Variants in CSMD1 observed in about 807,000 individuals in gnomAD.
The protein encoded by CSMD1 is CUB and sushi domain-containing protein 1.
A neutral mutation model predicts 417.5 loss-of-function variants in CSMD1; 213 were observed. That is an observed-to-expected ratio of 0.51 (90% CI 0.46 to 0.57). CSMD1 has a LOEUF of 0.57. Among genes scored for constraint, CSMD1 ranks in the 20% least tolerant of loss-of-function variants. The pLI, the probability that CSMD1 is intolerant of heterozygous loss-of-function variation, is 0.00. For missense variants in CSMD1, 6,923 were observed against 4,529.7 expected (o/e 1.53, Z -15.17); for synonymous variants, 2,862 against 1,736.8 (o/e 1.65, Z -16.11).
intron 2 of CSMD1, among the ~76,000 whole-genome samples, chr8:4,569,490 TC>T (rs1461735812): frequency 1.3e-5 from 2 of 152,210 alleles, no homozygotes; most frequent in Non-Finnish European, 2.9e-5. Context: ...TCTGTTCTGT[TC>T]CATTGGTCTC....
In CSMD1 at chr8:3,861,830, A is replaced by T. The variant is rs150994937; in HGVS notation, c.819-107788T>A. ...AGTGTGCCGATTACAGATGTGACCTATGAAGCCACTGGCTTTTAAATGTCT... is the reference window on the plus strand; with the variant it reads ...AGTGTGCCGATTACAGATGTGACCTTTGAAGCCACTGGCTTTTAAATGTCT... On this transcript the variant is annotated intron_variant, in intron 5 of 69. Coordinates refer to ENST00000635120, the MANE Select transcript of CSMD1 (RefSeq NM_033225.6). Among the ~76,000 whole-genome samples, 361 of 152,314 alleles carry T rather than the reference A, an allele frequency of 2.4e-3. 4 individuals carry two copies. Among genetic ancestry groups the T allele is most frequent in the Admixed American group, 0.015 (233 of 15,294 alleles).
chr8:3,444,447 G>C (rs1219619608), intron 12 of CSMD1, among the ~76,000 whole-genome samples: 1 of 152,114 alleles, frequency 6.6e-6, no homozygotes, highest in Non-Finnish European at 1.5e-5. Flanking sequence ...AACAATAAAA[G>C]AAATTACTGT....
intron 17 of CSMD1, among the ~76,000 whole-genome samples, chr8:3,390,631 T>C (rs955514177): frequency 1.3e-4 from 20 of 151,962 alleles, no homozygotes; most frequent in African/African-American, 4.6e-4. Context: ...CAATGAATTT[T>C]TGATACAAAT....
At chr8:4,240,640 T>C (rs1402073516) in intron 3 of CSMD1, among the ~76,000 whole-genome samples, 3 of 152,184 alleles carry the variant, frequency 2.0e-5, no homozygotes, top group African/African-American at 7.2e-5. Flanking sequence ...TCCCAGTGCC[T>C]TTCAACAAGT....
chr8:3,252,104 T>G (rs531885719), intron 26 of CSMD1, among the ~76,000 whole-genome samples: 1 of 152,356 alleles, frequency 6.6e-6, no homozygotes, highest in African/African-American at 2.4e-5. Flanking sequence ...CTATGTTGAA[T>G]AGTAGTGGTG....
At chr8:4,117,924 C>G (rs1401369486) in intron 3 of CSMD1, among the ~76,000 whole-genome samples, 2 of 144,510 alleles carry the variant, frequency 1.4e-5, no homozygotes, top group Non-Finnish European at 3.0e-5. Context: ...AAGAAATTTT[C>G]CTGGAAAAGT....
At chr8:2,962,385 A>T in intron 61 of CSMD1, 81 bp downstream of exon 61, 3 of 1,300,702 alleles carry the variant, frequency 2.3e-6, no homozygotes, top group Non-Finnish European at 3.2e-6. Flanking sequence ...CTATGTAATC[A>T]CAAATGACCC....
intron 26 of CSMD1, among the ~76,000 whole-genome samples, chr8:3,283,741 A>G (rs74894931): frequency 0.022 from 3,311 of 152,352 alleles, 51 homozygotes; most frequent in Non-Finnish European, 0.037. Context: ...CACAGGGAAG[A>G]AGCTGAGCAA....
intron 2 of CSMD1, among the ~76,000 whole-genome samples, chr8:4,579,566 G>C (rs1368125229): frequency 6.6e-6 from 1 of 152,040 alleles, no homozygotes; most frequent in Non-Finnish European, 1.5e-5. Flanking sequence ...GTCTCAGCAT[G>C]TTAGCCAGGC....
At chr8:3,215,742 A>G (rs767269258) in intron 29 of CSMD1, among the ~76,000 whole-genome samples, 1 of 152,212 alleles carries the variant, frequency 6.6e-6, no homozygotes, top group African/African-American at 2.4e-5. Flanking sequence ...GAAAAAGTGT[A>G]TAACCCTGCA....
intron 5 of CSMD1, among the ~76,000 whole-genome samples, chr8:3,819,901 T>C (rs540841006): frequency 2.0e-4 from 31 of 152,288 alleles, no homozygotes; most frequent in African/African-American, 7.2e-4. Context: ...AGTGCTATAA[T>C]AGAGGCAGAC....
intron 3 of CSMD1, among the ~76,000 whole-genome samples, chr8:4,231,377 G>A (rs566602888): frequency 6.6e-6 from 1 of 152,128 alleles, no homozygotes; most frequent in African/African-American, 2.4e-5. Context: ...TTCCTCCTCT[G>A]AGAGAATAGG....
At chr8:3,391,627 T>G (rs1811355690) in intron 17 of CSMD1, among the ~76,000 whole-genome samples, 1 of 152,150 alleles carries the variant, frequency 6.6e-6, no homozygotes, top group South Asian at 2.1e-4. Context: ...TAGGTTTGCT[T>G]TTACAAAAGC....
chr8:3,719,860 A>G (rs1431942904), intron 6 of CSMD1, among the ~76,000 whole-genome samples: 1 of 152,182 alleles, frequency 6.6e-6, no homozygotes, highest in Non-Finnish European at 1.5e-5. Flanking sequence ...AGTTGTAAGA[A>G]AGACTTAATC....
At chr8:3,427,818 A>G (rs1813951588) in intron 12 of CSMD1, among the ~76,000 whole-genome samples, 1 of 152,356 alleles carries the variant, frequency 6.6e-6, no homozygotes, top group East Asian at 1.9e-4. Context: ...TCTCTAGAGG[A>G]CCAATTGCTT....
chr8:2,988,753 T>C (rs1806139693), intron 54 of CSMD1, among the ~76,000 whole-genome samples: 1 of 152,230 alleles, frequency 6.6e-6, no homozygotes, highest in African/African-American at 2.4e-5. Context: ...TTGAGTATAA[T>C]GAATTTTCTT....
At chr8:4,233,312 T>A (rs1700042) in intron 3 of CSMD1, among the ~76,000 whole-genome samples, 1 of 152,184 alleles carries the variant, frequency 6.6e-6, no homozygotes, top group Non-Finnish European at 1.5e-5. Flanking sequence ...CAAATTTGAA[T>A]GTTAAAAACC....
chr8:3,809,424 C>G (rs536843159), intron 5 of CSMD1, among the ~76,000 whole-genome samples: 185 of 152,332 alleles, frequency 1.2e-3, no homozygotes, highest in Non-Finnish European at 2.1e-3. Flanking sequence ...GTTTCCTTCT[C>G]CATCAAAAGT....
At chr8:3,380,820 C>T (rs527337387) in intron 18 of CSMD1, among the ~76,000 whole-genome samples, 148 of 151,934 alleles carry the variant, frequency 9.7e-4, no homozygotes, top group African/African-American at 3.4e-3. Flanking sequence ...CAGCAAAACA[C>T]CATGGCGTGT....
Sources: allele counts gnomAD v4.1 joint callset (sites outside exome capture counted in the v4.1 genomes callset), GRCh38; gene constraint gnomAD v4.1.1; transcripts MANE v1.5; gene names NCBI Gene and HGNC (gene_info 2026-07-23, HGNC 2026-07-21).